The following SH3D21 variants were observed in gnomAD, a reference collection of about 807,000 sequenced individuals.
The protein encoded by SH3D21 is SH3 domain-containing protein 21.
A neutral mutation model predicts 82.1 loss-of-function variants in SH3D21; 83 were observed. That is an observed-to-expected ratio of 1.01 (90% confidence interval 0.85 to 1.21). The LOEUF is 1.21. Ranked by LOEUF, SH3D21 falls within the 50% of genes most tolerant of loss-of-function variation. The pLI is 0.00. For missense variants in SH3D21, 980 were observed against 962.1 expected, an observed-to-expected ratio of 1.02 and a Z score of -0.25; for synonymous variants, 383 against 387.8, an observed-to-expected ratio of 0.99 and a Z score of 0.15.
chr1:36,314,559 G>A (rs1262141543), intron 10 of SH3D21, among the ~76,000 whole-genome samples: 4 of 150,142 alleles, frequency 2.7e-5, no homozygotes, highest in Admixed American at 1.3e-4. Context: ...GGGTTCAAGC[G>A]ATTTTCCTGC....
rs1007982506 is a variant in SH3D21, at chr1:36,306,978, C to T, written c.226+73C>T. ...CAGTGCGACCCCGGCGTCTCCGGCT[C>T]TTAGTGACGGGCGCGGCTCTGGGCG... On this transcript the variant is annotated intron_variant, in intron 3 of 15. Transcript: ENST00000453908. The surrounding 1 kb of genome is among the most constrained non-coding windows in gnomAD (Gnocchi z 4.5). 34 of 1,372,648 alleles carry T rather than the reference C, an allele frequency of 2.5e-5. No homozygotes were observed. The highest frequency in any genetic ancestry group is 3.0e-5 in the Non-Finnish European group (32 of 1,056,382). 85.0% of individuals were successfully genotyped at this position (1,372,648 alleles called of 1,614,324 possible).
At chr1:36,322,506 GGCAGCGTGTCGTCGGGGCCCA>G (rs1254495129), downstream of SH3D21, 19 of 1,602,054 alleles carry the variant, frequency 1.2e-5, no homozygotes, top group East Asian at 4.5e-5. Flanking sequence ...CTCGGGGCCC[GGCAGCGTGTCGTCGGGGCCCA>G]GCCGAGTCAC....
At chr1:36,310,277 T>A (rs1646213418) in intron 10 of SH3D21, among the ~76,000 whole-genome samples, 1 of 152,212 alleles carries the variant, frequency 6.6e-6, no homozygotes, top group Non-Finnish European at 1.5e-5. Flanking sequence ...AATGTAATAT[T>A]TGATACATGT....
At chr1:36,319,594 G>T (rs1646408202) in intron 13 of SH3D21, 58 bp downstream of exon 13, 1 of 1,550,940 alleles carries the variant, frequency 6.4e-7, no homozygotes, top group Non-Finnish European at 8.7e-7. Flanking sequence ...GTTCCCAGCT[G>T]TGGTGTGCAC....
Position 36,307,267 on chromosome 1 carries a change from C to G in SH3D21, c.327C>G (p.Ile109Met), listed in dbSNP as rs1875428. ...ADELKLQAGE[I>M]VEMIKEIEDG... ...AGCTGAAGCTGCAAGCTGGGGAGAT[C>G]GTGGAAATGATAAAGGAGGTGAGGG... The change falls in exon 4 of 16, where the codon ATC (isoleucine) becomes ATG (methionine). Residue 109 changes from isoleucine to methionine, a missense_variant. Ile to Met is a conservative substitution (Grantham distance 10). Coordinates refer to ENST00000453908, the MANE Select transcript of SH3D21 (RefSeq NM_001162530.2). This position sits in a 1 kb window ranked among gnomAD's most constrained non-coding sequence, Gnocchi z 5.4. 9,916 of 1,551,678 alleles carry G rather than the reference C, an allele frequency of 6.4e-3. 573 individuals carry two copies. In the African/African-American group the frequency reaches 0.12, roughly 19 times the overall value.
chr1:36,324,180 A>G (rs1015224840), downstream of SH3D21: 1 of 152,178 alleles, frequency 6.6e-6, no homozygotes, highest in African/African-American at 2.4e-5. Context: ...GCTCTGGTCT[A>G]GTCACGCAGG....
Position 36,320,945 on chromosome 1 carries a change from G to A in SH3D21, c.2166G>A (p.Leu722=). ...ERKLTDIWEE[L]KSEKEQRRRL... ...AGCTGACCGACATCTGGGAGGAGCT[G>A]AAGAGCGAGAAGGAGCAGCGCCGGC... The change falls in exon 15 of 16, where the codon CTG becomes CTA. Residue 722 remains leucine, a synonymous_variant. Coordinates refer to ENST00000453908, the MANE Select transcript of SH3D21 (RefSeq NM_001162530.2). The A allele has an allele frequency of 6.4e-7, 1 of 1,568,958 alleles. No individual in the cohort carries two copies. Among genetic ancestry groups the A allele is most frequent in the Non-Finnish European group, 8.6e-7 (1 of 1,156,970 alleles).
Position 36,319,903 on chromosome 1 carries a change from C to T in SH3D21, c.1240C>T (p.Pro414Ser), listed in dbSNP as rs1329458440. The T allele has an allele frequency of 6.2e-7, 1 of 1,614,092 alleles. No homozygotes were observed. Among genetic ancestry groups the T allele is most frequent in the South Asian group, 1.1e-5 (1 of 91,070 alleles). The change falls in exon 14 of 16, where the codon CCC becomes TCC. Residue 414 changes from proline (P) to serine (S), a missense_variant. By Grantham distance (74) the Pro-to-Ser change is moderately conservative. Coordinates refer to ENST00000453908, the MANE Select transcript of SH3D21 (RefSeq NM_001162530.2). ...GAAGATCCCAGCTCCTGACAAAGTC[C>T]CCACCCCAGAGAAGATGGTGACTCC... The part of the protein sequence containing the change: ...SGKIPAPDKV[P>S]TPEKMVTPED...
At position 36,308,173 on chromosome 1, in the gene SH3D21, G is replaced by A. The variant is rs576934152; in HGVS notation, c.603G>A (p.Ala201=). The A allele has an allele frequency of 1.3e-5, 20 of 1,548,404 alleles. No homozygotes were observed. The highest frequency in any genetic ancestry group is 1.2e-4 in the East Asian group (5 of 40,908). The change falls in exon 8 of 16, where the codon GCG becomes GCA. Residue 201 remains alanine, a synonymous_variant. Transcript: ENST00000453908. ...DYQPEAPDEL[A]LRRGDVVKVL... The stretch of plus-strand genomic sequence containing the variant: ...AGCCTGAGGCCCCAGACGAGTTGGC[G>A]CTGCGGAGGGGGGACGTGGTAAAAG...
chr1:36,326,561 G>A (rs1413962330), downstream of SH3D21, among the ~76,000 whole-genome samples: 2 of 152,172 alleles, frequency 1.3e-5, no homozygotes, highest in Non-Finnish European at 2.9e-5. Context: ...AGTGTGGTGG[G>A]GAGCTCCTGG....
downstream of SH3D21, chr1:36,322,174 G>A (rs1424719937): frequency 9.6e-6 from 13 of 1,352,164 alleles, no homozygotes; most frequent in Admixed American, 3.3e-5. Flanking sequence ...AGGGGGTGGC[G>A]GTCCACGCCC....
intron 11 of SH3D21, 31 bp from the exon 12 acceptor site, chr1:36,319,229 A>C: frequency 1.3e-6 from 2 of 1,551,462 alleles, no homozygotes; most frequent in Non-Finnish European, 1.7e-6. Context: ...CCTGTGCCCC[A>C]CCCTGAGGGC....
rs1245626104 is a variant in SH3D21 at position 36,307,710 on chromosome 1, C to A, written c.437-60C>A. ...ATCCTGACCCTGTGACCCCTCTGAC[C>A]CTCTCCCATGACCTAACCTGTGAAT... is the stretch of plus-strand genomic sequence containing the variant. On this transcript the variant is annotated intron_variant, in intron 5 of 15. Coordinates refer to ENST00000453908, the MANE Select transcript of SH3D21 (RefSeq NM_001162530.2). The surrounding 1 kb of genome is among the most constrained non-coding windows in gnomAD (Gnocchi z 5.4). 9 of 1,541,910 alleles carry A rather than the reference C, an allele frequency of 5.8e-6. No homozygotes were observed. Among genetic ancestry groups the A allele is most frequent in the Non-Finnish European group, 7.9e-6 (9 of 1,140,372 alleles).
Position 36,307,800 on chromosome 1 carries a change from G to C in SH3D21, c.467G>C (p.Ser156Thr). ...SLGNPDMPSV[S>T]PGPQRPPKLS... ...GGTAACCCAGACATGCCTTCAGTCAGCCCTGGTCCCCAGCGGCCTCCCAAG... is the reference window on the plus strand; with the variant it reads ...GGTAACCCAGACATGCCTTCAGTCACCCCTGGTCCCCAGCGGCCTCCCAAG... Residue 156 changes from serine (S) to threonine (T), a missense_variant, in exon 6 of 16, where the codon AGC becomes ACC. Physicochemically the swap from Ser to Thr is moderately conservative, Grantham distance 58 (BLOSUM62 1). Transcript: ENST00000453908. The surrounding 1 kb of genome is among the most constrained non-coding windows in gnomAD (Gnocchi z 5.4). 1 of 1,551,814 alleles carries C rather than the reference G, an allele frequency of 6.4e-7. No individual in the cohort carries two copies. Among genetic ancestry groups the C allele is most frequent in the Non-Finnish European group, 8.7e-7 (1 of 1,147,012 alleles).
rs769679147 is a variant in SH3D21, at chr1:36,320,417, CT to C, written c.1755del (p.Thr586GlnfsTer27). ...ALEKPHPHEE[A>X]TTLPEEAPSN... ...GAGAAGCCCCACCCCCACGAAGAGG[CT>C]ACAACCCTTCCAGAGGAGGCACCTT... On this transcript the variant is annotated frameshift_variant, in exon 14 of 16. Coordinates refer to ENST00000453908, the MANE Select transcript of SH3D21 (RefSeq NM_001162530.2). LOFTEE classifies it high-confidence loss of function. 2 of 1,613,324 alleles carry C rather than the reference CT, an allele frequency of 1.2e-6. No individual in the cohort carries two copies. The highest frequency in any genetic ancestry group is 1.3e-5 in the African/African-American group (1 of 75,004).
At chr1:36,322,130 G>C (rs1646473393), downstream of SH3D21, 1 of 1,353,486 alleles carries the variant, frequency 7.4e-7, no homozygotes, top group African/African-American at 1.5e-5. Flanking sequence ...CCGCCCCCGG[G>C]GTCTTCTGGC....
At position 36,320,206 on chromosome 1, in the gene SH3D21, G is replaced by T. The variant is rs1216813183; in HGVS notation, c.1543G>T (p.Val515Phe). The T allele has an allele frequency of 5.0e-6, 8 of 1,613,184 alleles. No individual in the cohort carries two copies. In the African/African-American group the frequency reaches 1.1e-4, roughly 22 times the overall value. ...CTCTTCGGAGGAAGCCCTGCAGAAG[G>T]TCAAGTACTTTGTAGCCAAAGAGGA... The part of the protein sequence containing the change: ...HFSSEEALQK[V>F]KYFVAKEDPS... The change falls in exon 14 of 16, where the codon GTC becomes TTC. Residue 515 changes from valine (V) to phenylalanine (F), a missense_variant. Physicochemically the swap from Val to Phe is conservative, Grantham distance 50. Transcript: ENST00000453908.
chr1:36,326,435 T>C (rs913175319), downstream of SH3D21, among the ~76,000 whole-genome samples: 1 of 152,140 alleles, frequency 6.6e-6, no homozygotes, highest in African/African-American at 2.4e-5. Flanking sequence ...TTCTCCATGT[T>C]GGTCAGGCTG....
chr1:36,307,040 T>C lies in SH3D21; in HGVS notation c.227-127T>C. ...CCGCCCTGCGGTCTGTGATTGGTTC[T>C]CGAGTGCAATGCTCCGCCCTGGGGC... On this transcript the variant is annotated intron_variant, in intron 3 of 15. Coordinates refer to ENST00000453908, the MANE Select transcript of SH3D21 (RefSeq NM_001162530.2). This position sits in a 1 kb window ranked among gnomAD's most constrained non-coding sequence, Gnocchi z 5.4. 1 of 1,462,738 alleles carries C rather than the reference T, an allele frequency of 6.8e-7. No homozygotes were observed. Among genetic ancestry groups the C allele is most frequent in the Non-Finnish European group, 9.1e-7 (1 of 1,103,646 alleles). 90.6% of individuals were successfully genotyped at this position (1,462,738 alleles called of 1,614,324 possible).
Sources: gnomAD v4.1 joint callset for allele counts (sites outside exome capture counted in the v4.1 genomes callset) on GRCh38, gnomAD v4.1.1 for gene constraint, Gnocchi (gnomAD v3.1) non-coding constraint, MANE v1.5 for transcripts, NCBI Gene and HGNC (gene_info 2026-07-23, HGNC 2026-07-21) for gene names.